Variants in CHD9 observed in about 807,000 individuals in gnomAD.
CHD9 encodes the protein ATP-dependent chromatin remodeler CHD9.
CHD9 carries 77 observed loss-of-function variants against 316.1 expected under a neutral mutation model. The ratio of observed to expected loss-of-function variants is 0.24; its 90% CI spans 0.20 to 0.29. The LOEUF is 0.29. Ranked by LOEUF, CHD9 falls within the 10% of genes least tolerant of loss-of-function variation. The pLI, the probability that CHD9 is intolerant of heterozygous loss-of-function variation, is 1.00. For missense variants in CHD9, 2,763 were observed against 3,438.1 expected (o/e 0.80, Z 4.91); for synonymous variants, 1,129 against 1,158.3 (o/e 0.97, Z 0.51).
At chr16:53,126,238 T>A (rs2038963946) in intron 1 of CHD9, among the ~76,000 whole-genome samples, 1 of 152,218 alleles carries the variant, frequency 6.6e-6, no homozygotes, top group African/African-American at 2.4e-5. Flanking sequence ...TGTGAGGTAG[T>A]GGTCCAACTT....
intron 30 of CHD9, chr16:53,299,230 A>T (rs2055116844): frequency 6.4e-6 from 1 of 155,478 alleles, no homozygotes; most frequent in Admixed American, 6.5e-5. Context: ...GATAACTAAG[A>T]CGTTCCAGAA....
chr16:53,199,107 AG>A, intron 2 of CHD9, among the ~76,000 whole-genome samples: 1 of 152,042 alleles, frequency 6.6e-6, no homozygotes, highest in Admixed American at 6.5e-5. Context: ...TTCTGACACC[AG>A]CTACAAGTTC....
intron 30 of CHD9, 48 bp from the exon 31 acceptor site, chr16:53,303,672 A>G: frequency 7.6e-7 from 1 of 1,313,666 alleles, no homozygotes. Context: ...TTATTTATAA[A>G]TAAAGGATTT....
chr16:53,254,911 C>A (rs2050450517), intron 18 of CHD9, among the ~76,000 whole-genome samples: 2 of 152,014 alleles, frequency 1.3e-5, no homozygotes, highest in Non-Finnish European at 2.9e-5. Flanking sequence ...TTTTCAAATT[C>A]TTTTTTTAGT....
intron 24 of CHD9, among the ~76,000 whole-genome samples, chr16:53,276,398 A>G (rs777353563): frequency 6.6e-6 from 1 of 152,144 alleles, no homozygotes. Flanking sequence ...TGGCTAGTCA[A>G]TTCATATTCC....
intron 1 of CHD9, among the ~76,000 whole-genome samples, chr16:53,076,568 TC>T (rs2152525467): frequency 6.6e-6 from 1 of 150,436 alleles, no homozygotes; most frequent in South Asian, 2.1e-4. Context: ...AGAGTGAAAC[TC>T]CATGTCAAAA....
chr16:53,216,425 CT>C lies in CHD9; in HGVS notation c.1785-6215del, dbSNP rs991023796. 2.6e-5 allele frequency among the ~76,000 whole-genome samples: 4 copies of C among 152,124 alleles called. No homozygotes were observed. In the East Asian group the frequency reaches 7.7e-4, roughly 29 times the overall value. On this transcript the variant is annotated intron_variant, in intron 3 of 38. Transcript: ENST00000447540. Reference sequence around the variant, plus strand: ...AAAGATAATATAGTTTCATATTTCTCTTTTGTCATTATGTTAATTGATATTA... The same window carrying C: ...AAAGATAATATAGTTTCATATTTCTCTTTGTCATTATGTTAATTGATATTA...
chr16:53,180,917 C>T (rs915462428), intron 2 of CHD9, among the ~76,000 whole-genome samples: 6 of 151,904 alleles, frequency 3.9e-5, no homozygotes, highest in African/African-American at 9.7e-5. Flanking sequence ...CCTCGTGATC[C>T]GCCTGCCTCA....
chr16:53,299,420 C>T (rs2055144374), intron 30 of CHD9: 1 of 175,822 alleles, frequency 5.7e-6, no homozygotes, highest in African/African-American at 2.4e-5. Context: ...CTACTTCCAA[C>T]ATCACCGTGA....
intron 30 of CHD9, among the ~76,000 whole-genome samples, chr16:53,297,454 A>G (rs2054905476): frequency 6.6e-6 from 1 of 152,212 alleles, no homozygotes; most frequent in African/African-American, 2.4e-5. Context: ...CTTTTGTTAA[A>G]CAGAACTAAC....
At chr16:53,090,375 T>C (rs1278343403) in intron 1 of CHD9, among the ~76,000 whole-genome samples, 2 of 152,168 alleles carry the variant, frequency 1.3e-5, no homozygotes, top group East Asian at 3.9e-4. Context: ...TCCATTATTG[T>C]GGACAGTGAG....
At chr16:53,126,586 C>CTT (rs200069064) in intron 1 of CHD9, among the ~76,000 whole-genome samples, 4,739 of 117,604 alleles carry the variant, frequency 0.04, 159 homozygotes, top group East Asian at 0.074. Flanking sequence ...TTTCAGGATC[C>CTT]TTTTTTTTTT....
chr16:53,153,909 A>G (rs1413145744), intron 1 of CHD9, among the ~76,000 whole-genome samples: 1 of 152,164 alleles, frequency 6.6e-6, no homozygotes, highest in Non-Finnish European at 1.5e-5. Flanking sequence ...TAGGTAGGAA[A>G]CACAGTTATT....
At chr16:53,305,573 A>T (rs554850127) in intron 31 of CHD9, among the ~76,000 whole-genome samples, 58 of 152,344 alleles carry the variant, frequency 3.8e-4, no homozygotes, top group African/African-American at 1.4e-3. Context: ...AACAAGTAAA[A>T]GATAATATTA....
At position 53,226,444 on chromosome 16, in the gene CHD9, A is replaced by G; in HGVS notation, c.1975A>G (p.Lys659Glu). The change falls in exon 5 of 39, where the codon AAA (lysine) becomes GAA (glutamate). Residue 659 changes from lysine (K) to glutamate (E), a missense_variant. Transcript: ENST00000447540. Reference protein sequence around the residue: ...IEGKQSEEEVKGSMKIKKNSA... With the variant: ...IEGKQSEEEVEGSMKIKKNSA... ...AGGGAAGCAATCTGAAGAAGAGGTT[A>G]AAGGTTCTATGAAAATAAAAAAGAA... 6.2e-7 allele frequency: 1 copy of G among 1,606,712 alleles called. No individual in the cohort carries two copies. The highest frequency in any genetic ancestry group is 8.5e-7 in the Non-Finnish European group (1 of 1,177,806).
intron 24 of CHD9, among the ~76,000 whole-genome samples, chr16:53,285,227 G>A (rs764001191): frequency 1.8e-4 from 28 of 152,116 alleles, no homozygotes; most frequent in Non-Finnish European, 3.4e-4. Flanking sequence ...TCTCATGTGC[G>A]AAATGAAATA....
At chr16:53,092,998 C>T (rs779995613) in intron 1 of CHD9, among the ~76,000 whole-genome samples, 4 of 152,220 alleles carry the variant, frequency 2.6e-5, no homozygotes, top group Non-Finnish European at 5.9e-5. Flanking sequence ...GGGCTGGTCT[C>T]AAACTCCTGA....
chr16:53,092,447 ACTCAG>A (rs1236762389), intron 1 of CHD9, among the ~76,000 whole-genome samples: 1 of 152,226 alleles, frequency 6.6e-6, no homozygotes, highest in Non-Finnish European at 1.5e-5. Context: ...AACTGTTGTC[ACTCAG>A]CTCTTTACCT....
intron 16 of CHD9, chr16:53,247,714 A>G (rs1294148367): frequency 7.1e-6 from 3 of 421,858 alleles, no homozygotes; most frequent in African/African-American, 2.0e-5. Flanking sequence ...GAGGAGTCCA[A>G]TTAAGAAAAG....
Sources: gnomAD v4.1 joint callset for allele counts (sites outside exome capture counted in the v4.1 genomes callset) on GRCh38, gnomAD v4.1.1 for gene constraint, MANE v1.5 for transcripts, NCBI Gene and HGNC (gene_info 2026-07-23, HGNC 2026-07-21) for gene names.